Variants in DISC1 observed in about 807,000 individuals in gnomAD.
DISC1 encodes the protein DISC1 scaffold protein.
A neutral mutation model predicts 84.5 loss-of-function variants in DISC1; 57 were observed. The ratio of observed to expected loss-of-function variants is 0.67; its 90% CI spans 0.55 to 0.84. DISC1 has a LOEUF of 0.84. Among genes scored for constraint, DISC1 ranks in the 40% least tolerant of loss-of-function variants. The pLI, the probability that DISC1 is intolerant of heterozygous loss-of-function variation, is 0.00. For missense variants in DISC1, 1,000 were observed against 1,057.8 expected, an observed-to-expected ratio of 0.95 and a Z score of 0.76; for synonymous variants, 411 against 415.2, an observed-to-expected ratio of 0.99 and a Z score of 0.12.
At chr1:231,753,427 A>G (rs2074817009) in intron 4 of DISC1, among the ~76,000 whole-genome samples, 2 of 152,174 alleles carry the variant, frequency 1.3e-5, no homozygotes, top group Non-Finnish European at 2.9e-5. Flanking sequence ...CCTTTGAGCC[A>G]TGTCTGGAGT....
intron 10 of DISC1, among the ~76,000 whole-genome samples, chr1:231,982,387 CTCTT>C (rs1225847007): frequency 6.6e-6 from 1 of 152,092 alleles, no homozygotes; most frequent in Non-Finnish European, 1.5e-5. Context: ...TTCCCTTCCT[CTCTT>C]CCTTCCTTCT....
intron 9 of DISC1, among the ~76,000 whole-genome samples, chr1:231,861,452 G>GTTTTTTT (rs59522401): frequency 2.2e-5 from 2 of 88,962 alleles, no homozygotes; most frequent in Non-Finnish European, 4.4e-5. Flanking sequence ...ATTTTGACAA[G>GTTTTTTT]TTTTTTTTTT....
rs2063005052 is a variant in DISC1, at chr1:231,675,062, A to G, written c.68-18764A>G. 6.6e-6 allele frequency among the ~76,000 whole-genome samples: 1 copy of G among 152,236 alleles called. No individual in the cohort carries two copies. On this transcript the variant is annotated intron_variant, in intron 1 of 12. Transcript: ENST00000439617. The surrounding 1 kb of genome is among the most constrained non-coding windows in gnomAD (Gnocchi z 4.1). ...TGGTGGATTTAAAACAAAGTTGATG[A>G]GAGACTTCCAACGGCAAGTGTGTAA...
intron 9 of DISC1, among the ~76,000 whole-genome samples, chr1:231,844,926 C>CA (rs1175955587): frequency 0.06 from 4,092 of 68,182 alleles, 157 homozygotes; most frequent in African/African-American, 0.16. Context: ...GACTCTGACT[C>CA]AAAAAAAAAA....
At chr1:231,971,336 T>C (rs775050868) in intron 10 of DISC1, among the ~76,000 whole-genome samples, 2 of 152,222 alleles carry the variant, frequency 1.3e-5, no homozygotes, top group Non-Finnish European at 2.9e-5. Context: ...TAACATGGTA[T>C]GAACCTGTTA....
At chr1:231,632,234 C>T (rs1158630941) in intron 1 of DISC1, among the ~76,000 whole-genome samples, 1 of 152,192 alleles carries the variant, frequency 6.6e-6, no homozygotes, top group Non-Finnish European at 1.5e-5. Context: ...TGACACATTT[C>T]TCAGAAAGTG....
intron 3 of DISC1, among the ~76,000 whole-genome samples, chr1:231,738,804 A>G (rs1340708408): frequency 2.0e-5 from 3 of 152,166 alleles, no homozygotes; most frequent in Non-Finnish European, 2.9e-5. Flanking sequence ...ATTCTATTCA[A>G]TGGGCTGTAC....
chr1:232,028,779 A>G lies in DISC1; in HGVS notation c.2425+2227A>G, dbSNP rs370667229. 2.6e-5 allele frequency among the ~76,000 whole-genome samples: 4 copies of G among 152,322 alleles called. No homozygotes were observed. The East Asian group carries it at 7.7e-4, about 29-fold the overall frequency. ...CCAAGAACATCCCATTTATACACAA[A>G]AAGTTTCAAGGTAGATTGATTCAAC... On this transcript the variant is annotated intron_variant, in intron 12 of 12. Coordinates refer to ENST00000439617, the MANE Select transcript of DISC1 (RefSeq NM_018662.3).
At chr1:231,805,536 A>C (rs567777313) in intron 8 of DISC1, among the ~76,000 whole-genome samples, 2 of 152,262 alleles carry the variant, frequency 1.3e-5, no homozygotes, top group African/African-American at 4.8e-5. Context: ...ACCTTGTGAT[A>C]ACTCACTATG....
chr1:231,671,338 A>G (rs1300621866), intron 1 of DISC1, among the ~76,000 whole-genome samples: 1 of 151,296 alleles, frequency 6.6e-6, no homozygotes, highest in Non-Finnish European at 1.5e-5. Flanking sequence ...TATTTTCTCA[A>G]GTTGATATTC....
chr1:231,988,137 G>C lies in DISC1; in HGVS notation c.2043-20648G>C, dbSNP rs939228414. Among the ~76,000 whole-genome samples, 3 of 152,162 alleles carry C rather than the reference G, an allele frequency of 2.0e-5. No homozygotes were observed. In the East Asian group the frequency reaches 5.8e-4, roughly 29 times the overall value. On this transcript the variant is annotated intron_variant, in intron 10 of 12. Transcript: ENST00000439617. ...GGAGGCAGAGGTTACAGCGAGCCGA[G>C]ATCGCGCCACTGCACTCCAGCCTGG...
At chr1:231,808,945 C>T (rs927011942) in intron 8 of DISC1, among the ~76,000 whole-genome samples, 8 of 152,154 alleles carry the variant, frequency 5.3e-5, no homozygotes, top group South Asian at 2.1e-4. Flanking sequence ...GTCGGGAGGG[C>T]AGTCCTTTGT....
intron 3 of DISC1, among the ~76,000 whole-genome samples, chr1:231,716,860 A>G (rs1489066277): frequency 6.6e-6 from 1 of 152,136 alleles, no homozygotes; most frequent in East Asian, 1.9e-4. Context: ...CCTTCGTGGA[A>G]TTCCTTGCTC....
Position 231,818,339 on chromosome 1 carries a change from C to A in DISC1, c.1803C>A (p.Phe601Leu). Residue 601 changes from phenylalanine to leucine, a missense_variant, in exon 9 of 13, where the codon TTC becomes TTA. Transcript: ENST00000439617. ...AKMHAISGNH[F>L]WTAKDLTEEI... ...CACAACGTGCTGTAGGAAACCATTTCTGGACGGCTAAAGACCTCACCGAGG... is the reference window on the plus strand; with the variant it reads ...CACAACGTGCTGTAGGAAACCATTTATGGACGGCTAAAGACCTCACCGAGG... 6.2e-7 allele frequency: 1 copy of A among 1,613,884 alleles called. No homozygotes were observed. Among genetic ancestry groups the A allele is most frequent in the Non-Finnish European group, 8.5e-7 (1 of 1,179,856 alleles).
chr1:231,938,203 A>T (rs2091097546), intron 9 of DISC1, among the ~76,000 whole-genome samples: 1 of 152,174 alleles, frequency 6.6e-6, no homozygotes, highest in Admixed American at 6.5e-5. Flanking sequence ...GATTTTGCAG[A>T]AGTGAGGAAG....
intron 9 of DISC1, among the ~76,000 whole-genome samples, chr1:231,849,009 T>C (rs1307819484): frequency 6.6e-6 from 1 of 152,240 alleles, no homozygotes; most frequent in Non-Finnish European, 1.5e-5. Flanking sequence ...TGGAGGAACC[T>C]AGTCCAATTA....
At chr1:231,722,731 A>G in intron 3 of DISC1, 1 of 1,541,706 alleles carries the variant, frequency 6.5e-7, no homozygotes, top group Middle Eastern at 1.7e-4. Context: ...TGATCAGGGT[A>G]GCATCATATT....
At chr1:231,989,898 AG>A (rs1558813049) in intron 10 of DISC1, among the ~76,000 whole-genome samples, 1 of 152,186 alleles carries the variant, frequency 6.6e-6, no homozygotes, top group Non-Finnish European at 1.5e-5. Context: ...TGCGACTGCA[AG>A]CGGTGGAGCT....
intron 3 of DISC1, among the ~76,000 whole-genome samples, chr1:231,735,311 C>A (rs2072335257): frequency 6.6e-6 from 1 of 152,114 alleles, no homozygotes; most frequent in Non-Finnish European, 1.5e-5. Context: ...AGTGGATATA[C>A]CATAATTTAC....
Sources: gnomAD v4.1 joint callset for allele counts (sites outside exome capture counted in the v4.1 genomes callset) on GRCh38, gnomAD v4.1.1 for gene constraint, Gnocchi (gnomAD v3.1) non-coding constraint, MANE v1.5 for transcripts, NCBI Gene and HGNC (gene_info 2026-07-23, HGNC 2026-07-21) for gene names.